The following NALF1 variants were observed in gnomAD, a reference collection of about 807,000 sequenced individuals.
The protein encoded by NALF1 is family with sequence similarity 155 member A.
NALF1 carries 3 observed loss-of-function variants against 48.4 expected under a neutral mutation model. That is an observed-to-expected ratio of 0.06 (90% CI 0.03 to 0.16). The LOEUF (loss-of-function observed/expected upper bound fraction) is 0.16, where lower values mean the gene tolerates loss of function less well. Among genes scored for constraint, NALF1 ranks in the 10% least tolerant of loss-of-function variants. The probability of loss-of-function intolerance (pLI) is 1.00; values close to 1 mark genes in which losing one functional copy is unlikely to be tolerated. For synonymous variants in NALF1, 262 were observed against 245.7 expected, an observed-to-expected ratio of 1.07 and a Z score of -0.62; for missense variants, 526 against 571.5, an observed-to-expected ratio of 0.92 and a Z score of 0.81.
At position 107,866,157 on chromosome 13, in the gene NALF1, C is replaced by G. The variant is rs200446308; in HGVS notation, c.440G>C (p.Arg147Pro). 3.1e-6 allele frequency: 5 copies of G among 1,607,998 alleles called. No homozygotes were observed. Among genetic ancestry groups the G allele is most frequent in the Non-Finnish European group, 4.2e-6 (5 of 1,177,730 alleles). The change falls in exon 1 of 3, where the codon CGA becomes CCA. Residue 147 changes from arginine to proline, a missense_variant. This residue lies in a region of NALF1 where 373 missense variants were observed against 355.5 expected (regional missense o/e 1.05). Coordinates refer to ENST00000375915, the MANE Select transcript of NALF1 (RefSeq NM_001080396.3). The surrounding 1 kb of genome is among the most constrained non-coding windows in gnomAD (Gnocchi z 4.4). ...DGGGGGGKGN[R>P]GKDDRGKALF... The stretch of plus-strand genomic sequence containing the variant: ...AGCCTTGCCCCGGTCGTCTTTGCCT[C>G]GGTTGCCCTTGCCGCCGCCGCCGCC...
At chr13:107,535,890 T>C (rs1876790607) in intron 1 of NALF1, among the ~76,000 whole-genome samples, 1 of 152,118 alleles carries the variant, frequency 6.6e-6, no homozygotes, top group Admixed American at 6.5e-5. Flanking sequence ...TATAGACCAA[T>C]GGAACAGAAC....
intron 1 of NALF1, among the ~76,000 whole-genome samples, chr13:107,312,403 C>T (rs1055660734): frequency 3.3e-5 from 5 of 151,610 alleles, no homozygotes; most frequent in African/African-American, 9.7e-5. Context: ...AGGGGAACAT[C>T]ACACACCAGG....
At chr13:107,443,268 T>A (rs1347759760) in intron 1 of NALF1, among the ~76,000 whole-genome samples, 1 of 152,018 alleles carries the variant, frequency 6.6e-6, no homozygotes, top group Non-Finnish European at 1.5e-5. Flanking sequence ...CAGGCTGGAG[T>A]GCAATAGTGC....
chr13:107,381,488 A>G (rs1393849343), intron 1 of NALF1, among the ~76,000 whole-genome samples: 2 of 151,968 alleles, frequency 1.3e-5, no homozygotes, highest in East Asian at 3.9e-4. Context: ...GAGCCACCAC[A>G]CCCGGTAGAA....
chr13:107,638,523 A>T (rs1880055119), intron 1 of NALF1, among the ~76,000 whole-genome samples: 1 of 152,036 alleles, frequency 6.6e-6, no homozygotes, highest in Non-Finnish European at 1.5e-5. Flanking sequence ...GAGTCTCATA[A>T]CTTGGGATAG....
chr13:107,603,805 T>C (rs568026807), intron 1 of NALF1, among the ~76,000 whole-genome samples: 5 of 152,322 alleles, frequency 3.3e-5, no homozygotes, highest in African/African-American at 1.2e-4. Context: ...TACACTTATC[T>C]GTTTTAAAAA....
intron 1 of NALF1, among the ~76,000 whole-genome samples, chr13:107,796,885 T>TA (rs1250258526): frequency 1.3e-5 from 2 of 152,196 alleles, no homozygotes; most frequent in Non-Finnish European, 2.9e-5. Flanking sequence ...GGCACACTCA[T>TA]ACTCTTCCAT....
At chr13:107,678,706 A>G (rs1286424307) in intron 1 of NALF1, among the ~76,000 whole-genome samples, 1 of 152,210 alleles carries the variant, frequency 6.6e-6, no homozygotes, top group African/African-American at 2.4e-5. Flanking sequence ...GTGAAGGGAA[A>G]CAAGGCAACG....
At chr13:107,636,711 T>C (rs1879985829) in intron 1 of NALF1, among the ~76,000 whole-genome samples, 1 of 151,926 alleles carries the variant, frequency 6.6e-6, no homozygotes, top group Admixed American at 6.6e-5. Flanking sequence ...ATAATATACT[T>C]GGTAGCCTCT....
chr13:107,553,381 C>T (rs1163606935), intron 1 of NALF1, among the ~76,000 whole-genome samples: 1 of 152,132 alleles, frequency 6.6e-6, no homozygotes, highest in East Asian at 1.9e-4. Context: ...CCGTATTAGA[C>T]TCATTAAAAT....
intron 1 of NALF1, among the ~76,000 whole-genome samples, chr13:107,265,437 T>C (rs1383601173): frequency 2.0e-5 from 3 of 152,220 alleles, no homozygotes; most frequent in Non-Finnish European, 4.4e-5. Context: ...TTTATTTTTT[T>C]AGACAGAGTT....
At chr13:107,604,960 T>C (rs149832878) in intron 1 of NALF1, among the ~76,000 whole-genome samples, 3 of 152,200 alleles carry the variant, frequency 2.0e-5, no homozygotes, top group Admixed American at 6.5e-5. Context: ...GTGTTTTACA[T>C]GCATCTTCTC....
At chr13:107,719,571 AG>A (rs1201518377) in intron 1 of NALF1, among the ~76,000 whole-genome samples, 8 of 152,076 alleles carry the variant, frequency 5.3e-5, no homozygotes, top group Non-Finnish European at 1.0e-4. Context: ...GGACATCTAT[AG>A]TAGATGTCCA....
At chr13:107,444,027 T>C (rs1884608649) in intron 1 of NALF1, among the ~76,000 whole-genome samples, 8 of 152,168 alleles carry the variant, frequency 5.3e-5, no homozygotes, top group Admixed American at 5.2e-4. Flanking sequence ...TTTTCTTGCA[T>C]ATACCTGAGT....
At chr13:107,550,453 T>G (rs1028497913) in intron 1 of NALF1, among the ~76,000 whole-genome samples, 1 of 152,190 alleles carries the variant, frequency 6.6e-6, no homozygotes. Context: ...ATCATTTTGT[T>G]AACACTTTAA....
chr13:107,186,930 G>T (rs61967585), intron 2 of NALF1, among the ~76,000 whole-genome samples: 6,332 of 152,210 alleles, frequency 0.042, 160 homozygotes, highest in Non-Finnish European at 0.058. Flanking sequence ...AATTCCATGT[G>T]GTTGCTATAC....
intron 1 of NALF1, among the ~76,000 whole-genome samples, chr13:107,503,252 GC>G (rs1875578516): frequency 6.6e-6 from 1 of 151,902 alleles, no homozygotes; most frequent in Non-Finnish European, 1.5e-5. Context: ...ATTTTAACGG[GC>G]CCTTCAGTAA....
At chr13:107,521,100 A>T (rs1329299139) in intron 1 of NALF1, among the ~76,000 whole-genome samples, 1 of 152,228 alleles carries the variant, frequency 6.6e-6, no homozygotes, top group Non-Finnish European at 1.5e-5. Flanking sequence ...ACACAGCATG[A>T]CTAGAAGGCC....
intron 1 of NALF1, among the ~76,000 whole-genome samples, chr13:107,419,163 T>C (rs897589030): frequency 5.3e-5 from 8 of 152,268 alleles, no homozygotes; most frequent in African/African-American, 1.9e-4. Flanking sequence ...CACAGGAATC[T>C]ACAGTTCTTT....
Sources: allele counts gnomAD v4.1 joint callset (sites outside exome capture counted in the v4.1 genomes callset), GRCh38; gene constraint gnomAD v4.1.1; regional missense constraint gnomAD v4.1.1; non-coding constraint Gnocchi (gnomAD v3.1); transcripts MANE v1.5; gene names NCBI Gene and HGNC (gene_info 2026-07-23, HGNC 2026-07-21).